RNF13: variants seen among roughly 807,000 people sequenced by gnomAD.
RNF13 encodes ring finger protein 13.
A neutral mutation model predicts 37.7 loss-of-function variants in RNF13; 19 were observed. The ratio of observed to expected loss-of-function variants is 0.50; its 90% confidence interval spans 0.35 to 0.74. The LOEUF (loss-of-function observed/expected upper bound fraction) is 0.74. Among genes scored for constraint, RNF13 ranks in the 30% least tolerant of loss-of-function variants. RNF13 has a pLI of 0.01. For synonymous variants in RNF13, 144 were observed against 157.8 expected, an observed-to-expected ratio of 0.91 and a Z score of 0.65; for missense variants, 375 against 453.0, an observed-to-expected ratio of 0.83 and a Z score of 1.56.
intron 6 of RNF13, 147 bp downstream of exon 6, chr3:149,902,309 G>A (rs185940777): frequency 2.5e-5 from 11 of 444,100 alleles, no homozygotes; most frequent in African/African-American, 8.3e-5. Context: ...CTTTTAAGAC[G>A]TAGTATTTTA....
intron 8 of RNF13, among the ~76,000 whole-genome samples, chr3:149,933,930 A>G (rs1719430428): frequency 6.6e-6 from 1 of 152,038 alleles, no homozygotes; most frequent in Non-Finnish European, 1.5e-5. Context: ...AAAATATACA[A>G]TCATGTCATC....
chr3:149,926,567 A>G (rs1029517313), intron 8 of RNF13, among the ~76,000 whole-genome samples: 2 of 152,104 alleles, frequency 1.3e-5, no homozygotes, highest in Non-Finnish European at 2.9e-5. Flanking sequence ...GTTATTTTAT[A>G]TTACCTTCTG....
At chr3:149,827,293 A>G (rs2108327528) in intron 1 of RNF13, among the ~76,000 whole-genome samples, 1 of 152,372 alleles carries the variant, frequency 6.6e-6, no homozygotes, top group African/African-American at 2.4e-5. Context: ...CGTAGGTTAT[A>G]TGCAAATAGT....
Position 149,960,963 on chromosome 3 carries a change from G to C in RNF13, c.1005G>C (p.Met335Ile). Residue 335 changes from methionine to isoleucine, a missense_variant, in exon 10 of 10, where the codon ATG becomes ATC. By Grantham distance (10) the Met-to-Ile change is conservative. Coordinates refer to ENST00000392894, the MANE Select transcript of RNF13 (RefSeq NM_183381.3). ...CGGAATCCCGCTCACATCAGAACAT[G>C]ACAGAATCTTCAGACTATGAGGAAG... Reference protein sequence around the residue: ...ALSESRSHQNMTESSDYEEDD... With the variant: ...ALSESRSHQNITESSDYEEDD... The C allele has an allele frequency of 1.9e-6, 3 of 1,614,240 alleles. 1 individual carries two copies. The East Asian group carries it at 6.7e-5, about 36-fold the overall frequency.
intron 8 of RNF13, among the ~76,000 whole-genome samples, chr3:149,932,305 G>A (rs114001012): frequency 7.3e-4 from 111 of 152,200 alleles, no homozygotes; most frequent in Non-Finnish European, 1.0e-3. Context: ...CCCACCAGCA[G>A]TGTACGAGTG....
rs1576573476 is a variant in RNF13 at position 149,940,591 on chromosome 3, A to G, written c.700+19364A>G. 3.3e-5 allele frequency among the ~76,000 whole-genome samples: 5 copies of G among 152,218 alleles called. 1 individual carries two copies. The East Asian group carries it at 9.6e-4, about 29-fold the overall frequency. ...TCTTCTCTTTAAAGAACTTATTTTA[A>G]CATTTCTCACAAGTCAGTTCTGTGG... On this transcript the variant is annotated intron_variant, in intron 8 of 9. Coordinates refer to ENST00000392894, the MANE Select transcript of RNF13 (RefSeq NM_183381.3).
chr3:149,902,106 CT>C lies in RNF13; in HGVS notation c.447del (p.Phe149LeufsTer10). The C allele has an allele frequency of 6.6e-7, 1 of 1,508,556 alleles. No homozygotes were observed. Among genetic ancestry groups the C allele is most frequent in the Non-Finnish European group, 8.9e-7 (1 of 1,121,710 alleles). 93.4% of individuals were successfully genotyped at this position (1,508,556 alleles called of 1,614,324 possible). A position where few individuals can be genotyped will look rare whatever the true frequency, so the allele number is the denominator to read the frequency against. ...VLKKIDIPSV[F>X]IGESSANSLK... ...TAAAGAAAATTGACATTCCATCTGT[CT>C]TTATTGGTGAATCATCAGCTAATTC... On this transcript the variant is annotated frameshift_variant, in exon 6 of 10. Transcript: ENST00000392894. LOFTEE classifies it high-confidence loss of function.
In RNF13 at chr3:149,921,149, C is replaced by A; in HGVS notation, c.622C>A (p.Gln208Lys). Residue 208 changes from glutamine to lysine, a missense_variant, in exon 8 of 10, where the codon CAG (glutamine) becomes AAG (lysine). Coordinates refer to ENST00000392894, the MANE Select transcript of RNF13 (RefSeq NM_183381.3). ...IVIFMITKFV[Q>K]DRHRARRNRL... ...TTATTTTTAGATCACAAAATTTGTC[C>A]AGGATAGACATAGAGCTAGAAGAAA... The A allele has an allele frequency of 7.3e-7, 1 of 1,374,514 alleles. No homozygotes were observed. The highest frequency in any genetic ancestry group is 1.9e-5 in the South Asian group (1 of 52,616). 85.1% of individuals were successfully genotyped at this position (1,374,514 alleles called of 1,614,324 possible).
intron 1 of RNF13, among the ~76,000 whole-genome samples, chr3:149,834,429 TA>T (rs1333435294): frequency 1.3e-5 from 2 of 152,232 alleles, no homozygotes; most frequent in Non-Finnish European, 2.9e-5. Flanking sequence ...AGCTCAGGAA[TA>T]AAGCCTCACA....
chr3:149,824,826 T>A (rs549516475), intron 1 of RNF13, among the ~76,000 whole-genome samples: 1 of 151,800 alleles, frequency 6.6e-6, no homozygotes, highest in Non-Finnish European at 1.5e-5. Flanking sequence ...TTTTTTTTTT[T>A]AATTTAACTT....
Position 149,921,177 on chromosome 3 carries a change from G to T in RNF13, c.650G>T (p.Arg217Ile). ...GATAGACATAGAGCTAGAAGAAACA[G>T]ACTTCGTAAAGATCAACTTAAGAAA... ...VQDRHRARRN[R>I]LRKDQLKKLP... The change falls in exon 8 of 10, where the codon AGA becomes ATA. Residue 217 changes from arginine (R) to isoleucine (I), a missense_variant. Transcript: ENST00000392894. The T allele has an allele frequency of 7.0e-7, 1 of 1,431,034 alleles. No individual in the cohort carries two copies. The highest frequency in any genetic ancestry group is 1.7e-5 in the South Asian group (1 of 59,488). The allele number at this position is 1,431,034 out of a possible 1,614,324, so 88.6% of individuals were successfully genotyped here. A position where few individuals can be genotyped will look rare whatever the true frequency, so the allele number is the denominator to read the frequency against.
At chr3:149,905,361 G>A (rs957973362) in intron 6 of RNF13, among the ~76,000 whole-genome samples, 4 of 151,944 alleles carry the variant, frequency 2.6e-5, no homozygotes, top group Admixed American at 6.6e-5. Flanking sequence ...TTTTTCTTAT[G>A]CTTAAGCGCT....
intron 5 of RNF13, among the ~76,000 whole-genome samples, chr3:149,901,205 TC>T (rs987231280): frequency 1.2e-4 from 18 of 151,916 alleles, no homozygotes; most frequent in Non-Finnish European, 2.9e-5. Flanking sequence ...TTTACTTGCC[TC>T]CCCCCCTTTT....
At chr3:149,831,319 G>A (rs1468928514) in intron 1 of RNF13, among the ~76,000 whole-genome samples, 1 of 152,216 alleles carries the variant, frequency 6.6e-6, no homozygotes, top group Non-Finnish European at 1.5e-5. Context: ...AAGCAACCAG[G>A]AAGGGAGCTG....
At chr3:149,825,629 G>GTTACT (rs1720425819) in intron 1 of RNF13, among the ~76,000 whole-genome samples, 1 of 152,192 alleles carries the variant, frequency 6.6e-6, no homozygotes, top group African/African-American at 2.4e-5. Context: ...GAGATTCTCT[G>GTTACT]TTACCTGGTG....
chr3:149,909,442 A>ATT (rs35918938), intron 6 of RNF13, among the ~76,000 whole-genome samples: 6,597 of 114,324 alleles, frequency 0.058, 367 homozygotes, highest in African/African-American at 0.12. Context: ...TGCCTGGTTA[A>ATT]TTTTTTTTTT....
intron 4 of RNF13, among the ~76,000 whole-genome samples, chr3:149,884,260 C>G (rs1266087826): frequency 1.3e-5 from 2 of 151,998 alleles, no homozygotes; most frequent in Non-Finnish European, 2.9e-5. Flanking sequence ...TGCAGATGAG[C>G]TTGGTTATTT....
chr3:149,960,631 C>T, intron 9 of RNF13, 109 bp from the exon 10 acceptor site: 1 of 1,023,450 alleles, frequency 9.8e-7, no homozygotes, highest in African/African-American at 1.7e-5. Context: ...AAACTTTCTT[C>T]CCGTCCCTAC....
intron 3 of RNF13, among the ~76,000 whole-genome samples, chr3:149,862,875 G>C (rs1296345552): frequency 6.6e-6 from 1 of 152,146 alleles, no homozygotes; most frequent in East Asian, 1.9e-4. Context: ...CAGCCACTTT[G>C]ATGAGTTTAG....
Sources: gnomAD v4.1 joint callset for allele counts (sites outside exome capture counted in the v4.1 genomes callset) on GRCh38, gnomAD v4.1.1 for gene constraint, MANE v1.5 for transcripts, NCBI Gene and HGNC (gene_info 2026-07-23, HGNC 2026-07-21) for gene names.